Variants in AKIP1 observed in about 807,000 individuals in gnomAD.
AKIP1 encodes A-kinase interacting protein 1, also known as A-kinase-interacting protein 1.
AKIP1 carries 18 observed loss-of-function variants against 22.3 expected under a neutral mutation model. The observed-to-expected ratio is 0.81, with a 90% CI of 0.56 to 1.19. AKIP1 has a LOEUF of 1.19. AKIP1 is among the 50% of genes most tolerant of loss of function. AKIP1 has a pLI of 0.00. For synonymous variants in AKIP1, 120 were observed against 102.7 expected (o/e 1.17, Z -1.02); for missense variants, 287 against 264.6 (o/e 1.08, Z -0.59).
intron 4 of AKIP1, among the ~76,000 whole-genome samples, chr11:8,915,358 CTTTTTTTTTT>C (rs559350653): frequency 2.3e-4 from 19 of 83,990 alleles, no homozygotes; most frequent in South Asian, 9.9e-4. Flanking sequence ...TTTTTTTTTT[CTTTTTTTTTT>C]TTTTTTTTTT....
chr11:8,916,137 A>T (rs2064482555), intron 4 of AKIP1, among the ~76,000 whole-genome samples: 1 of 151,450 alleles, frequency 6.6e-6, no homozygotes, highest in Non-Finnish European at 1.5e-5. Flanking sequence ...GTATTTTTTA[A>T]TAGAGACAGA....
At chr11:8,916,048 C>T (rs1191266640) in intron 4 of AKIP1, among the ~76,000 whole-genome samples, 1 of 151,914 alleles carries the variant, frequency 6.6e-6, no homozygotes, top group Non-Finnish European at 1.5e-5. Flanking sequence ...TCTCGATCTC[C>T]CGACCTCGTG....
Position 8,913,735 on chromosome 11 carries a change from A to G in AKIP1, c.304-1091A>G, listed in dbSNP as rs540127050. The stretch of plus-strand genomic sequence containing the variant: ...TCTCAAAAAACTCTAATCTTTCTAC[A>G]TCTTTTATAAGAATCCCTGACTCCA... On this transcript the variant is annotated intron_variant, in intron 3 of 5. Transcript: ENST00000309377. 7.6e-4 allele frequency among the ~76,000 whole-genome samples: 116 copies of G among 152,282 alleles called. 1 individual carries two copies. Among genetic ancestry groups the G allele is most frequent in the African/African-American group, 2.7e-3 (113 of 41,558 alleles).
chr11:8,919,610 G>C lies in AKIP1; in HGVS notation c.*130G>C. ...CTGGGTCAGCCTTCCGGGAACTGGA[G>C]TCTGTCTCTTTCAGTGCTTTTTTGT... On this transcript the variant is annotated 3_prime_UTR_variant, in exon 6 of 6. Transcript: ENST00000309377. The C allele has an allele frequency of 9.8e-7, 1 of 1,021,384 alleles. No individual in the cohort carries two copies. The highest frequency in any genetic ancestry group is 2.4e-5 in the Admixed American group (1 of 41,802). The allele number at this position is 1,021,384 out of a possible 1,614,324, so 63.3% of individuals were successfully genotyped here. A position where few individuals can be genotyped will look rare whatever the true frequency, so the allele number is the denominator to read the frequency against.
At chr11:8,917,545 T>A (rs2064505463) in intron 5 of AKIP1, 178 bp downstream of exon 5, 2 of 618,892 alleles carry the variant, frequency 3.2e-6, no homozygotes, top group Non-Finnish European at 5.9e-6. Context: ...GTTTTCTTGG[T>A]ATTCTTCCTT....
chr11:8,912,532 G>A lies in AKIP1; in HGVS notation c.302G>A (p.Gly101Glu), dbSNP rs745449201. 1.2e-6 allele frequency: 2 copies of A among 1,613,792 alleles called. No individual in the cohort carries two copies. The highest frequency in any genetic ancestry group is 1.7e-6 in the Non-Finnish European group (2 of 1,179,706). The change falls in exon 3 of 6, where the codon GGG becomes GAG. Residue 101 changes from glycine (G) to glutamate (E), a missense_variant and splice_region_variant. Coordinates refer to ENST00000309377, the MANE Select transcript of AKIP1 (RefSeq NM_020642.4). The part of the protein sequence containing the change: ...EFMDYTSSQC[G>E]KYYSSVPEEG... ...ATGGACTATACTTCAAGTCAGTGTG[G>A]GGTAAGTTGGTGTGAACCAAAACTA...
rs951974279 is a variant in AKIP1, at chr11:8,914,902, A to G, written c.380A>G (p.His127Arg). 6.2e-7 allele frequency: 1 copy of G among 1,613,812 alleles called. No homozygotes were observed. Among genetic ancestry groups the G allele is most frequent in the African/African-American group, 1.3e-5 (1 of 74,930 alleles). ...YRYHRGESKL[H>R]MCLDIGNGQR... Reference sequence around the variant, plus strand: ...TATCACAGAGGCGAGTCGAAGCTGCACATGTGCTTGGACATAGGGAATGGT... The same window carrying G: ...TATCACAGAGGCGAGTCGAAGCTGCGCATGTGCTTGGACATAGGGAATGGT... Residue 127 changes from histidine to arginine, a missense_variant, in exon 4 of 6, where the codon CAC becomes CGC. Transcript: ENST00000309377.
rs1485883982 is a variant in AKIP1, at chr11:8,919,827, C to CG, written c.*351dup. The stretch of plus-strand genomic sequence containing the variant: ...ATTTTTTTTGTATTTTTAGTAGAGA[C>CG]GGGGTTTCACCATGTTGGCCAGGAT... On this transcript the variant is annotated 3_prime_UTR_variant, in exon 6 of 6. Transcript: ENST00000309377. 3 of 200,296 alleles carry CG rather than the reference C, an allele frequency of 1.5e-5. No individual in the cohort carries two copies. Among genetic ancestry groups the CG allele is most frequent in the Non-Finnish European group, 3.1e-5 (3 of 97,778 alleles). The allele number at this position is 200,296 out of a possible 1,614,324, so 12.4% of individuals were successfully genotyped here. A position where few individuals can be genotyped will look rare whatever the true frequency, so the allele number is the denominator to read the frequency against.
Position 8,919,926 on chromosome 11 carries a change from CGCGCCCG to C in AKIP1, c.*449_*455del, listed in dbSNP as rs1404288590. The C allele has an allele frequency of 6.1e-6, 1 of 163,544 alleles. No individual in the cohort carries two copies. Among genetic ancestry groups the C allele is most frequent in the African/African-American group, 2.4e-5 (1 of 41,674 alleles). 10.1% of individuals were successfully genotyped at this position (163,544 alleles called of 1,614,324 possible). A position where few individuals can be genotyped will look rare whatever the true frequency, so the allele number is the denominator to read the frequency against. ...TGTTGGGATTACAGGCGTGAGCCAC[CGCGCCCG>C]GCCTCAGTGCCTTTTTTAACTTGAG... On this transcript the variant is annotated 3_prime_UTR_variant, in exon 6 of 6. Coordinates refer to ENST00000309377, the MANE Select transcript of AKIP1 (RefSeq NM_020642.4).
intron 2 of AKIP1, 117 bp downstream of exon 2, chr11:8,911,788 A>G: frequency 3.8e-6 from 4 of 1,039,364 alleles, no homozygotes; most frequent in Non-Finnish European, 5.4e-6. Flanking sequence ...GGAAGCTGGA[A>G]AGGATCAGAA....
intron 1 of AKIP1, 72 bp downstream of exon 1, chr11:8,911,295 G>C: frequency 1.5e-6 from 1 of 686,702 alleles, no homozygotes; most frequent in Non-Finnish European, 2.4e-6. Flanking sequence ...GCCTAGTCCT[G>C]GCTGGGCTCC....
intron 5 of AKIP1, among the ~76,000 whole-genome samples, chr11:8,918,527 C>T (rs2064522675): frequency 6.6e-6 from 1 of 152,092 alleles, no homozygotes; most frequent in Admixed American, 6.5e-5. Context: ...TGCCTATGGC[C>T]CCTTCTCAGC....
chr11:8,912,259 A>G (rs963432677), intron 2 of AKIP1, among the ~76,000 whole-genome samples, 194 bp from the exon 3 acceptor site: 4 of 151,924 alleles, frequency 2.6e-5, no homozygotes, highest in Admixed American at 2.6e-4. Context: ...AAAGCCTGCA[A>G]GCCTGTCTCT....
chr11:8,912,871 C>CTTT (rs71059196), intron 3 of AKIP1, among the ~76,000 whole-genome samples: 9,460 of 92,262 alleles, frequency 0.1, 1,463 homozygotes, highest in South Asian at 0.34. Context: ...TTTTTTTTAA[C>CTTT]TTTTTTTTTT....
chr11:8,913,250 G>A (rs1402389986), intron 3 of AKIP1, among the ~76,000 whole-genome samples: 2 of 146,560 alleles, frequency 1.4e-5, no homozygotes, highest in Non-Finnish European at 1.5e-5. Flanking sequence ...GCTCAGTCTC[G>A]GCTCACTGCA....
chr11:8,919,193 C>T, intron 5 of AKIP1, 144 bp from the exon 6 acceptor site: 1 of 737,518 alleles, frequency 1.4e-6, no homozygotes, highest in Non-Finnish European at 2.2e-6. Flanking sequence ...CGTGAGCAGG[C>T]TGAGCCTTGA....
rs772553763 is a variant in AKIP1 at position 8,911,641 on chromosome 11, A to ATT, written c.192_193insTT (p.Ala65LeufsTer69). On this transcript the variant is annotated frameshift_variant, in exon 2 of 6. Transcript: ENST00000309377. LOFTEE classifies it high-confidence loss of function. ...CGCCCCACCTAGAGAAACAGCCGGC[A>ATT]GCCGGCCCGCAGCGCGTTCTCCCGG... 1 of 1,579,586 alleles carries ATT rather than the reference A, an allele frequency of 6.3e-7. No individual in the cohort carries two copies. Among genetic ancestry groups the ATT allele is most frequent in the South Asian group, 1.2e-5 (1 of 86,564 alleles).
chr11:8,915,073 A>T (rs556062511), intron 4 of AKIP1, 143 bp downstream of exon 4: 1 of 593,916 alleles, frequency 1.7e-6, no homozygotes, highest in Non-Finnish European at 3.0e-6. Flanking sequence ...GTGTAAATTC[A>T]TAGCCTTAGA....
chr11:8,917,672 G>A, intron 5 of AKIP1: 1 of 450,834 alleles, frequency 2.2e-6, no homozygotes, highest in Non-Finnish European at 3.9e-6. Flanking sequence ...GGGTCCTGCT[G>A]GAATTCCACC....
Sources: allele counts gnomAD v4.1 joint callset (sites outside exome capture counted in the v4.1 genomes callset), GRCh38; gene constraint gnomAD v4.1.1; transcripts MANE v1.5; gene names NCBI Gene and HGNC (gene_info 2026-07-23, HGNC 2026-07-21).